The following RAP1A variants were observed in gnomAD, a reference collection of about 807,000 sequenced individuals.
RAP1A encodes ras-related protein Rap-1A.
RAP1A carries 6 observed loss-of-function variants against 26.4 expected under a neutral mutation model. The ratio of observed to expected loss-of-function variants is 0.23; its 90% CI spans 0.12 to 0.45. RAP1A has a LOEUF of 0.45. Ranked by LOEUF, RAP1A falls within the 20% of genes least tolerant of loss-of-function variation. RAP1A has a pLI of 0.99. For missense variants in RAP1A, 121 were observed against 217.2 expected, an observed-to-expected ratio of 0.56 and a Z score of 2.78; for synonymous variants, 73 against 79.4, an observed-to-expected ratio of 0.92 and a Z score of 0.43.
chr1:111,656,621 G>A (rs923197498), intron 1 of RAP1A, among the ~76,000 whole-genome samples: 5 of 152,002 alleles, frequency 3.3e-5, no homozygotes, highest in Admixed American at 6.6e-5. Context: ...GTTCTCAGTC[G>A]CATCTTAATT....
At chr1:111,695,475 T>C in intron 3 of RAP1A, 66 bp downstream of exon 3, 1 of 1,194,052 alleles carries the variant, frequency 8.4e-7, no homozygotes, top group South Asian at 1.6e-5. Context: ...ATTTGATCTG[T>C]AGATTTGCTT....
upstream of RAP1A, chr1:111,542,188 G>A (rs1341553638): frequency 4.9e-5 from 25 of 507,784 alleles, no homozygotes; most frequent in Non-Finnish European, 9.4e-5. Flanking sequence ...TTTGAAGGAA[G>A]ATCGTTTAGA....
chr1:111,678,762 GT>G (rs59251403), intron 1 of RAP1A, among the ~76,000 whole-genome samples: 63 of 145,664 alleles, frequency 4.3e-4, no homozygotes, highest in Admixed American at 1.2e-3. Context: ...GTTCAGGTGG[GT>G]TTTTTTTTTT....
intron 1 of RAP1A, among the ~76,000 whole-genome samples, chr1:111,620,722 C>T (rs747329575): frequency 2.0e-5 from 3 of 152,146 alleles, no homozygotes; most frequent in East Asian, 3.8e-4. Flanking sequence ...CTGCTTCTTC[C>T]CTGAATTTTG....
chr1:111,547,489 A>G (rs1003474301), intron 1 of RAP1A, among the ~76,000 whole-genome samples: 2 of 152,192 alleles, frequency 1.3e-5, no homozygotes, highest in South Asian at 4.1e-4. Context: ...GAGTTAAAAA[A>G]TATAAAATAT....
intron 1 of RAP1A, among the ~76,000 whole-genome samples, chr1:111,593,109 G>T (rs1368650568): frequency 2.6e-5 from 4 of 152,148 alleles, no homozygotes; most frequent in Admixed American, 2.0e-4. Context: ...GGGTTGTGTT[G>T]GCTTGCAAAG....
chr1:111,684,007 A>G (rs2101218272), intron 1 of RAP1A, among the ~76,000 whole-genome samples: 1 of 152,234 alleles, frequency 6.6e-6, no homozygotes, highest in East Asian at 1.9e-4. Flanking sequence ...TTGGTTCAAC[A>G]TATGCAAATC....
intron 1 of RAP1A, among the ~76,000 whole-genome samples, chr1:111,606,705 A>T (rs1451420805): frequency 6.6e-6 from 1 of 152,202 alleles, no homozygotes; most frequent in Non-Finnish European, 1.5e-5. Flanking sequence ...TATTACCCTG[A>T]TGTGTAATAA....
chr1:111,711,145 A>G (rs910188271), intron 7 of RAP1A, among the ~76,000 whole-genome samples: 20 of 152,090 alleles, frequency 1.3e-4, no homozygotes, highest in African/African-American at 4.3e-4. Context: ...CCTTGATTCT[A>G]TAACTTTAAA....
chr1:111,710,396 A>G (rs182212854), intron 7 of RAP1A, among the ~76,000 whole-genome samples: 4 of 152,310 alleles, frequency 2.6e-5, no homozygotes, highest in African/African-American at 9.6e-5. Context: ...TTTAATTTGT[A>G]TTGTATTTAA....
intron 1 of RAP1A, among the ~76,000 whole-genome samples, chr1:111,611,798 A>T (rs1658931225): frequency 6.6e-6 from 1 of 152,236 alleles, no homozygotes. Context: ...GATAAAATAT[A>T]GTTACACTGG....
At chr1:111,578,171 T>G (rs1658181718) in intron 1 of RAP1A, among the ~76,000 whole-genome samples, 1 of 152,106 alleles carries the variant, frequency 6.6e-6, no homozygotes, top group African/African-American at 2.4e-5. Flanking sequence ...CCAGGTATTC[T>G]AGAGTGTGTG....
intron 1 of RAP1A, among the ~76,000 whole-genome samples, chr1:111,552,396 T>G (rs1657302426): frequency 6.6e-6 from 1 of 152,236 alleles, no homozygotes; most frequent in Non-Finnish European, 1.5e-5. Flanking sequence ...CTATTTTTCC[T>G]GAATACGTGT....
chr1:111,684,116 T>G (rs991785653), intron 1 of RAP1A, among the ~76,000 whole-genome samples: 1 of 152,212 alleles, frequency 6.6e-6, no homozygotes, highest in Non-Finnish European at 1.5e-5. Context: ...CAACACCCCT[T>G]CATGCTAAAA....
At chr1:111,705,849 G>A (rs1662171967) in intron 6 of RAP1A, among the ~76,000 whole-genome samples, 1 of 152,296 alleles carries the variant, frequency 6.6e-6, no homozygotes. Flanking sequence ...TTGGCCTTAC[G>A]GGATGTGGTT....
intron 1 of RAP1A, among the ~76,000 whole-genome samples, chr1:111,646,604 A>G (rs903832039): frequency 2.0e-5 from 3 of 151,920 alleles, no homozygotes; most frequent in African/African-American, 7.3e-5. Flanking sequence ...ACAGTGGTGC[A>G]ATCTCGGCTC....
chr1:111,675,282 C>A (rs1661091817), intron 1 of RAP1A, among the ~76,000 whole-genome samples: 1 of 151,976 alleles, frequency 6.6e-6, no homozygotes, highest in African/African-American at 2.4e-5. Flanking sequence ...GAGATCGAGA[C>A]CATCCTGGCT....
chr1:111,626,305 T>C (rs138964337), intron 1 of RAP1A, among the ~76,000 whole-genome samples: 43 of 152,296 alleles, frequency 2.8e-4, no homozygotes, highest in African/African-American at 1.0e-3. Context: ...TTGTTTGCTT[T>C]ACTGCCTGTT....
intron 1 of RAP1A, among the ~76,000 whole-genome samples, chr1:111,654,713 A>C (rs1347962040): frequency 6.6e-6 from 1 of 151,562 alleles, no homozygotes; most frequent in Non-Finnish European, 1.5e-5. Flanking sequence ...TAAGTTTAAG[A>C]AGTCCAGAGA....
Sources: allele counts gnomAD v4.1 joint callset (sites outside exome capture counted in the v4.1 genomes callset), GRCh38; gene constraint gnomAD v4.1.1; transcripts MANE v1.5; gene names NCBI Gene and HGNC (gene_info 2026-07-23, HGNC 2026-07-21).